MALRD1: variants seen among roughly 807,000 people sequenced by gnomAD.
The protein encoded by MALRD1 is MAM and LDL-receptor class A domain-containing protein 1.
A neutral mutation model predicts 242.1 loss-of-function variants in MALRD1; 247 were observed. That is an observed-to-expected ratio of 1.02 (90% CI 0.92 to 1.13). MALRD1 has a LOEUF of 1.13. Among genes scored for constraint, MALRD1 ranks in the 50% most tolerant of loss-of-function variants. The probability of loss-of-function intolerance (pLI) is 0.00; values close to 1 mark genes in which losing one functional copy is unlikely to be tolerated. For missense variants in MALRD1, 2,989 were observed against 2,533.1 expected, an observed-to-expected ratio of 1.18 and a Z score of -3.86; for synonymous variants, 995 against 866.6, an observed-to-expected ratio of 1.15 and a Z score of -2.60.
intron 18 of MALRD1, among the ~76,000 whole-genome samples, chr10:19,232,751 A>G (rs183175936): frequency 1.3e-5 from 2 of 152,200 alleles, no homozygotes; most frequent in African/African-American, 4.8e-5. Flanking sequence ...GTATACATAC[A>G]AGCATGCAGA....
intron 36 of MALRD1, among the ~76,000 whole-genome samples, chr10:19,620,449 G>T (rs952898941): frequency 6.6e-6 from 1 of 151,942 alleles, no homozygotes; most frequent in Non-Finnish European, 1.5e-5. Flanking sequence ...GAAAGATGAC[G>T]CATATTCAGT....
intron 18 of MALRD1, among the ~76,000 whole-genome samples, chr10:19,218,603 G>A (rs935694401): frequency 6.6e-6 from 1 of 152,064 alleles, no homozygotes; most frequent in African/African-American, 2.4e-5. Context: ...CATATAATTA[G>A]AAAATTTATA....
intron 14 of MALRD1, among the ~76,000 whole-genome samples, chr10:19,188,635 A>G (rs529132008): frequency 2.6e-4 from 39 of 152,204 alleles, no homozygotes; most frequent in Non-Finnish European, 4.9e-4. Flanking sequence ...ACCTTGTTTA[A>G]TGTTGTTGAT....
intron 21 of MALRD1, among the ~76,000 whole-genome samples, chr10:19,322,820 G>T (rs1842957852): frequency 6.6e-6 from 1 of 152,096 alleles, no homozygotes; most frequent in Non-Finnish European, 1.5e-5. Flanking sequence ...GCTTTAATAA[G>T]AAGCAAATTT....
intron 36 of MALRD1, among the ~76,000 whole-genome samples, chr10:19,642,532 A>T (rs2131681231): frequency 6.6e-6 from 1 of 152,344 alleles, no homozygotes; most frequent in African/African-American, 2.4e-5. Flanking sequence ...GCTAGAATGT[A>T]TTGAATAGAA....
chr10:19,227,536 T>G (rs1291501616), intron 18 of MALRD1, among the ~76,000 whole-genome samples: 2 of 152,058 alleles, frequency 1.3e-5, no homozygotes, highest in African/African-American at 4.8e-5. Context: ...AGGAAAAATT[T>G]TTAATAATCT....
chr10:19,488,831 A>G (rs968419712), intron 29 of MALRD1: 35 of 345,562 alleles, frequency 1.0e-4, no homozygotes, highest in Non-Finnish European at 1.8e-4. Flanking sequence ...TGGCCATGCA[A>G]AGAAGTCAAA....
At chr10:19,127,932 A>T (rs1837333586) in intron 7 of MALRD1, among the ~76,000 whole-genome samples, 1 of 152,140 alleles carries the variant, frequency 6.6e-6, no homozygotes, top group Non-Finnish European at 1.5e-5. Context: ...GTGGTATAGC[A>T]ATTTGTATAT....
intron 18 of MALRD1, among the ~76,000 whole-genome samples, chr10:19,236,567 T>G (rs528201437): frequency 6.6e-6 from 1 of 152,148 alleles, no homozygotes; most frequent in East Asian, 1.9e-4. Context: ...TGCCTCTCAC[T>G]CTTACTTCCT....
At chr10:19,386,337 G>T (rs753497626) in intron 26 of MALRD1, among the ~76,000 whole-genome samples, 4 of 151,930 alleles carry the variant, frequency 2.6e-5, no homozygotes, top group Non-Finnish European at 5.9e-5. Context: ...GGTTCATGTG[G>T]CAGGGTGGGG....
At chr10:19,676,843 T>C (rs1454961576) in intron 36 of MALRD1, among the ~76,000 whole-genome samples, 3 of 152,106 alleles carry the variant, frequency 2.0e-5, no homozygotes. Context: ...CAGGACCCAG[T>C]GTGTGTTGTT....
At chr10:19,315,902 A>G (rs549091314) in intron 21 of MALRD1, among the ~76,000 whole-genome samples, 3 of 149,030 alleles carry the variant, frequency 2.0e-5, no homozygotes, top group East Asian at 2.0e-4. Context: ...AAATGGTACA[A>G]TTTTACTAAA....
At chr10:19,293,938 G>A (rs898630987) in intron 21 of MALRD1, among the ~76,000 whole-genome samples, 1 of 152,096 alleles carries the variant, frequency 6.6e-6, no homozygotes, top group Admixed American at 6.6e-5. Context: ...GTCGCTTGAG[G>A]TACATGGGAT....
At chr10:19,240,247 G>T (rs1158663458) in intron 18 of MALRD1, among the ~76,000 whole-genome samples, 2 of 151,944 alleles carry the variant, frequency 1.3e-5, no homozygotes, top group Non-Finnish European at 2.9e-5. Flanking sequence ...GGTAGCTATT[G>T]TAAATGGAAT....
intron 38 of MALRD1, among the ~76,000 whole-genome samples, chr10:19,695,185 C>T (rs1009134744): frequency 3.3e-5 from 5 of 151,808 alleles, no homozygotes; most frequent in African/African-American, 7.3e-5. Context: ...AAAAACTGCA[C>T]GTCATGCACA....
At chr10:19,395,073 A>T (rs1846519044) in intron 28 of MALRD1, among the ~76,000 whole-genome samples, 1 of 152,196 alleles carries the variant, frequency 6.6e-6, no homozygotes, top group South Asian at 2.1e-4. Flanking sequence ...GCTTTTTCAG[A>T]ATCGTTTCAG....
chr10:19,359,397 A>G (rs1294712541), intron 26 of MALRD1, among the ~76,000 whole-genome samples: 2 of 152,134 alleles, frequency 1.3e-5, no homozygotes, highest in Non-Finnish European at 2.9e-5. Context: ...CACAAGTTCC[A>G]TTCCAAATAC....
chr10:19,468,967 A>G (rs1012688619), intron 29 of MALRD1, among the ~76,000 whole-genome samples: 2 of 151,858 alleles, frequency 1.3e-5, no homozygotes, highest in Non-Finnish European at 2.9e-5. Flanking sequence ...TTTATTTCCT[A>G]TCGTGAAATG....
chr10:19,486,321 T>A (rs1044985812), intron 29 of MALRD1, among the ~76,000 whole-genome samples: 1 of 152,072 alleles, frequency 6.6e-6, no homozygotes, highest in Non-Finnish European at 1.5e-5. Flanking sequence ...CATCTTTGAG[T>A]CTTTGATAGT....
Sources: allele counts gnomAD v4.1 joint callset (sites outside exome capture counted in the v4.1 genomes callset), GRCh38; gene constraint gnomAD v4.1.1; transcripts MANE v1.5; gene names NCBI Gene and HGNC (gene_info 2026-07-23, HGNC 2026-07-21).